Variants in DPP10 observed in about 807,000 individuals in gnomAD.
DPP10 encodes inactive dipeptidyl peptidase 10.
In DPP10, 33 loss-of-function variants were observed where a neutral mutation model predicts 120.9. The observed-to-expected ratio is 0.27, with a 90% CI of 0.21 to 0.37. The LOEUF is 0.37. Ranked by LOEUF, DPP10 falls within the 10% of genes least tolerant of loss-of-function variation. The pLI, the probability that DPP10 is intolerant of heterozygous loss-of-function variation, is 1.00. For missense variants in DPP10, 816 were observed against 942.8 expected, an observed-to-expected ratio of 0.87 and a Z score of 1.76; for synonymous variants, 337 against 326.1, an observed-to-expected ratio of 1.03 and a Z score of -0.36.
At chr2:115,418,416 A>C (rs1036660615) in intron 3 of DPP10, among the ~76,000 whole-genome samples, 12 of 151,790 alleles carry the variant, frequency 7.9e-5, no homozygotes, top group African/African-American at 2.9e-4. Context: ...TGAGAGACTG[A>C]GAGAGAGAGA....
Position 115,384,707 on chromosome 2 carries a change from A to AAGAAAGAAGAAGAAGAAGAAG in DPP10, c.271+40796_271+40797insGAAAGAAGAAGAAGAAGAAGA, listed in dbSNP as rs1553574793. Reference sequence around the variant, plus strand: ...AGGAAGAAGAAGAAAAAGAAAGAAGAAAGAAGAAGAAGAAGAAGAAGAAGA... The same window carrying AAGAAAGAAGAAGAAGAAGAAG: ...AGGAAGAAGAAGAAAAAGAAAGAAGAAGAAAGAAGAAGAAGAAGAAGAAGAAGAAGAAGAAGAAGAAGAAGA... On this transcript the variant is annotated intron_variant, in intron 3 of 25. Transcript: ENST00000410059. Among the ~76,000 whole-genome samples the AAGAAAGAAGAAGAAGAAGAAG allele has an allele frequency of 2.4e-3, 358 of 148,544 alleles. 3 individuals carry two copies. The highest frequency in any genetic ancestry group is 8.1e-3 in the African/African-American group (322 of 39,542).
chr2:114,582,745 G>T (rs1238979010), intron 1 of DPP10, among the ~76,000 whole-genome samples: 3 of 152,162 alleles, frequency 2.0e-5, no homozygotes, highest in African/African-American at 4.8e-5. Context: ...CTCCTTTGAT[G>T]AAGTGTCTAT....
At position 115,661,732 on chromosome 2, in the gene DPP10, G is replaced by A. The variant is rs1416234491; in HGVS notation, c.442-27955G>A. 2.6e-5 allele frequency among the ~76,000 whole-genome samples: 4 copies of A among 152,166 alleles called. 1 individual carries two copies. In the East Asian group the frequency reaches 7.7e-4, roughly 29 times the overall value. On this transcript the variant is annotated intron_variant, in intron 5 of 25. Coordinates refer to ENST00000410059, the MANE Select transcript of DPP10 (RefSeq NM_020868.6). ...CATTTTTTGCCTTCAGTTTTATTGT[G>A]CTATAATTGACAATTAAAATTTCAT... is the stretch of plus-strand genomic sequence containing the variant.
chr2:114,686,459 A>G (rs956737552), intron 1 of DPP10, among the ~76,000 whole-genome samples: 1 of 151,942 alleles, frequency 6.6e-6, no homozygotes, highest in Non-Finnish European at 1.5e-5. Context: ...GAATATATCT[A>G]TAGATGTAAA....
intron 5 of DPP10, among the ~76,000 whole-genome samples, chr2:115,650,050 C>T: frequency 6.6e-6 from 1 of 152,036 alleles, no homozygotes; most frequent in Admixed American, 6.6e-5. Context: ...AAATAGGGAA[C>T]AGCATTTTTT....
chr2:114,874,563 A>G (rs1036295895), intron 1 of DPP10, among the ~76,000 whole-genome samples: 2 of 152,022 alleles, frequency 1.3e-5, no homozygotes, highest in East Asian at 1.9e-4. Flanking sequence ...AAACAAGCTC[A>G]GGGCTCCCAC....
intron 12 of DPP10, among the ~76,000 whole-genome samples, chr2:115,764,443 T>G (rs1355134723): frequency 6.6e-6 from 1 of 151,948 alleles, no homozygotes; most frequent in African/African-American, 2.4e-5. Flanking sequence ...AACCCTGATT[T>G]TACAGCTAAT....
At chr2:115,793,423 T>C (rs1684205881) in intron 19 of DPP10, among the ~76,000 whole-genome samples, 2 of 152,116 alleles carry the variant, frequency 1.3e-5, no homozygotes, top group African/African-American at 4.8e-5. Context: ...ATAATTATTA[T>C]TAGTATGGTG....
chr2:115,281,452 G>A (rs1054977983), intron 1 of DPP10, among the ~76,000 whole-genome samples: 2 of 152,132 alleles, frequency 1.3e-5, no homozygotes, highest in East Asian at 3.9e-4. Context: ...GAGCTCATTT[G>A]GTAATAGATG....
At chr2:115,560,983 T>C (rs1284468421) in intron 5 of DPP10, among the ~76,000 whole-genome samples, 1 of 152,112 alleles carries the variant, frequency 6.6e-6, no homozygotes, top group Non-Finnish European at 1.5e-5. Flanking sequence ...TATTCTGTTA[T>C]TTTTTGCAGT....
intron 1 of DPP10, among the ~76,000 whole-genome samples, chr2:115,106,419 C>T (rs1239400145): frequency 6.6e-6 from 1 of 152,120 alleles, no homozygotes; most frequent in Non-Finnish European, 1.5e-5. Context: ...ACTAGGACTG[C>T]ATCAGAAGAT....
Position 114,877,984 on chromosome 2 carries a change from G to T in DPP10, c.61-431255G>T, listed in dbSNP as rs116297447. On this transcript the variant is annotated intron_variant, in intron 1 of 25. Transcript: ENST00000410059. ...GTCAAAGATCTGGAGAAAGAAGGCT[G>T]CTGGGAATCAGAGTGCCCCACTCTC... 5.1e-3 allele frequency among the ~76,000 whole-genome samples: 770 copies of T among 152,106 alleles called. 4 individuals carry two copies. Among genetic ancestry groups the T allele is most frequent in the African/African-American group, 0.017 (719 of 41,492 alleles).
rs553756020 is a variant in DPP10 at position 115,585,618 on chromosome 2, A to G, written c.441+59646A>G. Among the ~76,000 whole-genome samples, 13 of 152,304 alleles carry G rather than the reference A, an allele frequency of 8.5e-5. 1 individual carries two copies. In the South Asian group the frequency reaches 2.1e-3, roughly 24 times the overall value. On this transcript the variant is annotated intron_variant, in intron 5 of 25. Transcript: ENST00000410059. ...TTCCTCAAAGAAACAAAGATACCAT[A>G]CAGTCAAGTAGCTTGTCCACAGTTA...
intron 3 of DPP10, among the ~76,000 whole-genome samples, chr2:115,379,099 A>G (rs530472455): frequency 0.012 from 1,752 of 152,056 alleles, 25 homozygotes; most frequent in African/African-American, 0.035. Flanking sequence ...CTCTTTTTCT[A>G]TTGATTGGAA....
chr2:114,582,337 C>G (rs1285046168), intron 1 of DPP10, among the ~76,000 whole-genome samples: 1 of 152,132 alleles, frequency 6.6e-6, no homozygotes, highest in African/African-American at 2.4e-5. Context: ...TATTCTTTCA[C>G]CTACTGAAGG....
intron 1 of DPP10, among the ~76,000 whole-genome samples, chr2:114,472,053 C>G (rs1016166339): frequency 1.3e-5 from 2 of 152,204 alleles, no homozygotes; most frequent in African/African-American, 4.8e-5. Context: ...AGCATAACAG[C>G]TCAGTCCAAC....
chr2:115,052,044 A>G (rs1705529590), intron 1 of DPP10, among the ~76,000 whole-genome samples: 1 of 152,196 alleles, frequency 6.6e-6, no homozygotes, highest in African/African-American at 2.4e-5. Context: ...TGTTCAATTG[A>G]TTTCAACCAA....
intron 1 of DPP10, among the ~76,000 whole-genome samples, chr2:114,670,375 T>C (rs1470841322): frequency 1.3e-5 from 2 of 152,126 alleles, no homozygotes; most frequent in Non-Finnish European, 2.9e-5. Context: ...TTCATGTCCT[T>C]TGTAGGGACA....
In DPP10 at chr2:115,458,368, T is replaced by C. The variant is rs143439101; in HGVS notation, c.272-41142T>C. ...ATTTTAGAGATAAGCCCTGATTCCATTTCTGTATTGAATTTACAGATAATT... is the reference window on the plus strand; with the variant it reads ...ATTTTAGAGATAAGCCCTGATTCCACTTCTGTATTGAATTTACAGATAATT... On this transcript the variant is annotated intron_variant, in intron 3 of 25. Transcript: ENST00000410059. Among the ~76,000 whole-genome samples the C allele has an allele frequency of 6.4e-4, 97 of 152,280 alleles. 1 individual carries two copies. The East Asian group carries it at 0.017, about 27-fold the overall frequency.
Sources: gnomAD v4.1 joint callset for allele counts (sites outside exome capture counted in the v4.1 genomes callset) on GRCh38, gnomAD v4.1.1 for gene constraint, MANE v1.5 for transcripts, NCBI Gene and HGNC (gene_info 2026-07-23, HGNC 2026-07-21) for gene names.